The following GLT8D2 variants were observed in gnomAD, a reference collection of about 807,000 sequenced individuals.
The protein encoded by GLT8D2 is glycosyltransferase 8 domain containing 2, also known as glycosyltransferase 8 domain-containing protein 2.
Under a neutral mutation model 44.5 loss-of-function variants are expected in GLT8D2, and 45 were observed. That is an observed-to-expected ratio of 1.01 (90% CI 0.80 to 1.30). The LOEUF (loss-of-function observed/expected upper bound fraction) is 1.30, where lower values mean the gene tolerates loss of function less well. Among genes scored for constraint, GLT8D2 ranks in the 50% most tolerant of loss-of-function variants. The pLI, the probability that GLT8D2 is intolerant of heterozygous loss-of-function variation, is 0.00. For missense variants in GLT8D2, 400 were observed against 430.4 expected (o/e 0.93, Z 0.62); for synonymous variants, 156 against 157.2 (o/e 0.99, Z 0.06).
At chr12:104,040,570 C>T (rs573522895) in intron 1 of GLT8D2, among the ~76,000 whole-genome samples, 33 of 151,994 alleles carry the variant, frequency 2.2e-4, no homozygotes, top group Non-Finnish European at 4.0e-4. Context: ...GGATTACAGA[C>T]GCGTGCCACC....
chr12:103,991,302 T>A (rs1359154540), intron 10 of GLT8D2, among the ~76,000 whole-genome samples: 1 of 152,216 alleles, frequency 6.6e-6, no homozygotes, highest in Admixed American at 6.5e-5. Flanking sequence ...TTCTCCTGCA[T>A]CAGCCTCCCG....
At chr12:104,016,097 C>T (rs1350423759) in intron 3 of GLT8D2, among the ~76,000 whole-genome samples, 1 of 152,108 alleles carries the variant, frequency 6.6e-6, no homozygotes, top group Non-Finnish European at 1.5e-5. Context: ...ATTGCTCTAG[C>T]TAGGGCTTCC....
intron 5 of GLT8D2, among the ~76,000 whole-genome samples, chr12:104,001,844 C>T (rs1425282451): frequency 6.6e-6 from 1 of 152,154 alleles, no homozygotes; most frequent in Non-Finnish European, 1.5e-5. Context: ...GCTAGGATTA[C>T]AGGAATGTGC....
upstream of GLT8D2, among the ~76,000 whole-genome samples, chr12:104,052,042 G>A (rs527780608): frequency 2.0e-3 from 303 of 152,224 alleles, no homozygotes; most frequent in Non-Finnish European, 3.4e-3. Flanking sequence ...GTAAATTCAC[G>A]AGTCCAGGTT....
intron 4 of GLT8D2, among the ~76,000 whole-genome samples, chr12:104,013,525 C>A (rs1326311684): frequency 6.6e-6 from 1 of 152,008 alleles, no homozygotes; most frequent in South Asian, 2.1e-4. Flanking sequence ...GTATATATGT[C>A]TTTGTATGAA....
intron 1 of GLT8D2, among the ~76,000 whole-genome samples, chr12:104,044,723 T>C (rs570057471): frequency 2.0e-5 from 3 of 152,368 alleles, no homozygotes; most frequent in East Asian, 1.9e-4. Context: ...CTAACGGCCA[T>C]AGTAACTTTT....
intron 6 of GLT8D2, among the ~76,000 whole-genome samples, chr12:103,997,767 C>T (rs1873648099): frequency 6.6e-6 from 1 of 152,172 alleles, no homozygotes; most frequent in Non-Finnish European, 1.5e-5. Context: ...ATACAAACCC[C>T]CTAGTGCCGA....
intron 4 of GLT8D2, among the ~76,000 whole-genome samples, chr12:104,006,526 A>C (rs1219438344): frequency 6.6e-6 from 1 of 152,164 alleles, no homozygotes; most frequent in East Asian, 1.9e-4. Context: ...TTTGCACATG[A>C]GACCCATGAG....
intron 1 of GLT8D2, among the ~76,000 whole-genome samples, chr12:104,040,461 T>A (rs1016946611): frequency 6.6e-6 from 1 of 152,358 alleles, no homozygotes. Context: ...AGTCTTGTTC[T>A]GTCGCCCAGG....
intron 4 of GLT8D2, among the ~76,000 whole-genome samples, chr12:104,011,336 C>A (rs1007890285): frequency 1.3e-5 from 2 of 152,182 alleles, no homozygotes; most frequent in African/African-American, 4.8e-5. Flanking sequence ...GTAAACATCA[C>A]AATGCTGGCA....
At chr12:104,007,093 C>T (rs1416177807) in intron 4 of GLT8D2, among the ~76,000 whole-genome samples, 1 of 152,160 alleles carries the variant, frequency 6.6e-6, no homozygotes, top group African/African-American at 2.4e-5. Context: ...TCTTTTGAGC[C>T]TGGCTATGCT....
In GLT8D2 at chr12:103,989,264, A is replaced by C; in HGVS notation, c.*144T>G. 1 of 595,034 alleles carries C rather than the reference A, an allele frequency of 1.7e-6. No homozygotes were observed. Among genetic ancestry groups the C allele is most frequent in the Non-Finnish European group, 2.8e-6 (1 of 350,924 alleles). 36.9% of individuals were successfully genotyped at this position (595,034 alleles called of 1,614,324 possible). On this transcript the variant is annotated 3_prime_UTR_variant, in exon 11 of 11. Coordinates refer to ENST00000360814, the MANE Select transcript of GLT8D2 (RefSeq NM_001384711.1). ...AATCAATGCCTATATGGTCCAAGGT[A>C]TAATTTGCACACAGTAGTTTTTGGT...
chr12:103,990,034 A>G (rs1872523664), intron 10 of GLT8D2, among the ~76,000 whole-genome samples: 1 of 148,328 alleles, frequency 6.7e-6, no homozygotes, highest in Non-Finnish European at 1.5e-5. Flanking sequence ...TAGCATAAAC[A>G]CAGCAATGAG....
intron 3 of GLT8D2, among the ~76,000 whole-genome samples, chr12:104,019,118 C>CTTTTTTTTTTT (rs11291563): frequency 5.2e-5 from 6 of 116,462 alleles, no homozygotes; most frequent in Admixed American, 9.7e-5. Context: ...ACTTCTTCTT[C>CTTTTTTTTTTT]TTTTTTTTTT....
Position 103,993,483 on chromosome 12 carries a change from G to C in GLT8D2, c.789C>G (p.Ser263=). 1 of 1,607,672 alleles carries C rather than the reference G, an allele frequency of 6.2e-7. No individual in the cohort carries two copies. The highest frequency in any genetic ancestry group is 8.5e-7 in the Non-Finnish European group (1 of 1,177,470). Residue 263 remains serine (S), a synonymous_variant, in exon 10 of 11, where the codon TCC becomes TCG. Coordinates refer to ENST00000360814, the MANE Select transcript of GLT8D2 (RefSeq NM_001384711.1). ...KNVEENLYSS[S]LGGGVATSPM... The stretch of plus-strand genomic sequence containing the variant: ...GGGAGGTGGCCACCCCTCCTCCCAG[G>C]GAGCTGCTATAGAGGTTTTCCCTAA...
intron 1 of GLT8D2, among the ~76,000 whole-genome samples, chr12:104,045,769 C>T (rs555736464): frequency 1.3e-5 from 2 of 151,956 alleles, no homozygotes; most frequent in East Asian, 3.9e-4. Context: ...AAAATCAGTG[C>T]CCCTGTGTTT....
intron 6 of GLT8D2, 81 bp downstream of exon 6, chr12:103,999,316 G>C: frequency 1.4e-6 from 1 of 728,302 alleles, no homozygotes; most frequent in South Asian, 1.7e-5. Context: ...TATTCCACAT[G>C]CATCCCGGTG....
intron 8 of GLT8D2, among the ~76,000 whole-genome samples, chr12:103,996,532 G>T (rs1159809774): frequency 6.6e-6 from 1 of 152,230 alleles, no homozygotes; most frequent in Non-Finnish European, 1.5e-5. Flanking sequence ...CAGGGCTAAA[G>T]AAAGTTGCCC....
intron 1 of GLT8D2, among the ~76,000 whole-genome samples, chr12:104,048,181 A>G (rs970360533): frequency 1.6e-4 from 25 of 152,222 alleles, no homozygotes; most frequent in African/African-American, 6.0e-4. Context: ...AAGGTGGAGA[A>G]TAGGATGTCC....
Sources: allele counts gnomAD v4.1 joint callset (sites outside exome capture counted in the v4.1 genomes callset), GRCh38; gene constraint gnomAD v4.1.1; transcripts MANE v1.5; gene names NCBI Gene and HGNC (gene_info 2026-07-23, HGNC 2026-07-21).